PIGG: variants seen among roughly 807,000 people sequenced by gnomAD.
PIGG encodes the protein phosphatidylinositol glycan anchor biosynthesis class G (EMM blood group).
Under a neutral mutation model 83.2 loss-of-function variants are expected in PIGG, and 70 were observed. That is an observed-to-expected ratio of 0.84 (90% CI 0.69 to 1.03). PIGG has a LOEUF of 1.03. Among genes scored for constraint, PIGG ranks in the 50% least tolerant of loss-of-function variants. PIGG has a pLI of 0.00. For missense variants in PIGG, 1,257 were observed against 1,233.6 expected, an observed-to-expected ratio of 1.02 and a Z score of -0.28; for synonymous variants, 532 against 519.5, an observed-to-expected ratio of 1.02 and a Z score of -0.33.
In PIGG at chr4:521,877, C is replaced by CGCT. The variant is rs1726021885; in HGVS notation, c.1555_1557dup (p.Leu519dup). Reference sequence around the variant, plus strand: ...GGTGGGGTGATGGTGCTGGCCTCGGCGCTGCTGTGTGTGATTGTGTCTGTT... The same window carrying CGCT: ...GGTGGGGTGATGGTGCTGGCCTCGGCGCTGCTGCTGTGTGTGATTGTGTCTGTT... On this transcript the variant is annotated inframe_insertion, in exon 8 of 13. Coordinates refer to ENST00000453061, the MANE Select transcript of PIGG (RefSeq NM_001127178.3). 6.2e-7 allele frequency: 1 copy of CGCT among 1,614,154 alleles called. No individual in the cohort carries two copies. Among genetic ancestry groups the CGCT allele is most frequent in the African/African-American group, 1.3e-5 (1 of 75,034 alleles).
chr4:532,346 A>C (rs752294975), intron 11 of PIGG: 3 of 152,316 alleles, frequency 2.0e-5, no homozygotes, highest in Non-Finnish European at 2.9e-5. Flanking sequence ...TCAGAGCCAC[A>C]GTGACCTCCT....
At chr4:499,700 C>T in intron 1 of PIGG, 4 of 1,396,028 alleles carry the variant, frequency 2.9e-6, no homozygotes, top group Non-Finnish European at 3.7e-6. Context: ...GGCCCCACTT[C>T]GACCTTCCTT....
In PIGG at chr4:499,299, G is replaced by C. The variant is rs1553873861; in HGVS notation, c.-37G>C. On this transcript the variant is annotated 5_prime_UTR_variant, in exon 1 of 13. Transcript: ENST00000453061. ...CGGCTGCAGCAGGGCGAGGCTCCAG[G>C]TGGGGTCGGTTCCGCATCCAGCCTA... 2 of 1,597,092 alleles carry C rather than the reference G, an allele frequency of 1.3e-6. No homozygotes were observed. The highest frequency in any genetic ancestry group is 8.5e-7 in the Non-Finnish European group (1 of 1,177,278).
rs151332706 is a variant in PIGG at position 525,269 on chromosome 4, C to A, written c.2069+1356C>A. The A allele has an allele frequency of 1.6e-5, 16 of 984,996 alleles. No homozygotes were observed. In the South Asian group the frequency reaches 6.6e-4, roughly 41 times the overall value. 61.0% of individuals were successfully genotyped at this position (984,996 alleles called of 1,614,324 possible). On this transcript the variant is annotated intron_variant, in intron 9 of 12. Coordinates refer to ENST00000453061, the MANE Select transcript of PIGG (RefSeq NM_001127178.3). ...ATAGCAAATCATTTCAAGCAAGGCT[C>A]GAAATAAGTAGAAGAAACCAGGACA... is the stretch of plus-strand genomic sequence containing the variant.
At chr4:509,234 C>T (rs1170761838) in intron 5 of PIGG, among the ~76,000 whole-genome samples, 2 of 152,160 alleles carry the variant, frequency 1.3e-5, no homozygotes, top group African/African-American at 4.8e-5. Context: ...AGAAAAATTG[C>T]CAGTAGCTCA....
chr4:537,766 A>T (rs1390186579), intron 12 of PIGG, among the ~76,000 whole-genome samples: 1 of 151,992 alleles, frequency 6.6e-6, no homozygotes, highest in African/African-American at 2.4e-5. Flanking sequence ...AGCCAAGAGG[A>T]GGATGGGCCC....
rs1577128710 is a variant in PIGG, at chr4:528,779, T to C, written c.2261+1549T>C. 2.1e-6 allele frequency: 2 copies of C among 957,102 alleles called. No individual in the cohort carries two copies. The highest frequency in any genetic ancestry group is 9.7e-5 in the South Asian group (2 of 20,700). The allele number at this position is 957,102 out of a possible 1,614,324, so 59.3% of individuals were successfully genotyped here. On this transcript the variant is annotated intron_variant, in intron 10 of 12. Transcript: ENST00000453061. The surrounding 1 kb of genome is among the most constrained non-coding windows in gnomAD (Gnocchi z 4.8). ...AAGACCTTGGCCCTCTTCCCTTTCCTGGCCTGCTTCCTGCAGCATGTAATT... is the reference window on the plus strand; with the variant it reads ...AAGACCTTGGCCCTCTTCCCTTTCCCGGCCTGCTTCCTGCAGCATGTAATT...
At chr4:513,485 T>C (rs1442213437) in intron 5 of PIGG, among the ~76,000 whole-genome samples, 2 of 151,814 alleles carry the variant, frequency 1.3e-5, no homozygotes, top group Non-Finnish European at 2.9e-5. Context: ...AGTCAAGGGG[T>C]GTGGGAAGGA....
chr4:535,419 C>CCA (rs1354224844), intron 12 of PIGG, among the ~76,000 whole-genome samples: 1 of 152,248 alleles, frequency 6.6e-6, no homozygotes, highest in East Asian at 1.9e-4. Context: ...TGTGCTGAAA[C>CCA]CGCGCACCGC....
At chr4:537,573 C>A (rs1047142231) in intron 12 of PIGG, among the ~76,000 whole-genome samples, 1 of 152,160 alleles carries the variant, frequency 6.6e-6, no homozygotes, top group Non-Finnish European at 1.5e-5. Flanking sequence ...GGGTCCCCGG[C>A]CTGTGGGGCT....
chr4:516,276 G>A (rs1723828418), intron 6 of PIGG, 91 bp downstream of exon 6: 1 of 812,590 alleles, frequency 1.2e-6, no homozygotes, highest in South Asian at 1.5e-5. Flanking sequence ...TATGCAGTTT[G>A]TCACAGGAGT....
In PIGG at chr4:539,138, C is replaced by A; in HGVS notation, c.2736-15C>A. On this transcript the variant is annotated splice_polypyrimidine_tract_variant and intron_variant, in intron 12 of 12. Transcript: ENST00000453061. ...AGTGGCATGTGCTAATACACATTTT[C>A]TTTCTTATTAACAGTGGTTCAGCAC... 1 of 1,554,822 alleles carries A rather than the reference C, an allele frequency of 6.4e-7. No individual in the cohort carries two copies. Among genetic ancestry groups the A allele is most frequent in the African/African-American group, 1.4e-5 (1 of 73,676 alleles).
chr4:514,206 T>C (rs534296719), intron 5 of PIGG, among the ~76,000 whole-genome samples: 21 of 152,302 alleles, frequency 1.4e-4, no homozygotes, highest in African/African-American at 5.1e-4. Context: ...TCCCTTCTCC[T>C]TTATTATTTG....
chr4:513,661 C>T (rs927027370), intron 5 of PIGG, among the ~76,000 whole-genome samples: 1 of 152,108 alleles, frequency 6.6e-6, no homozygotes, highest in Non-Finnish European at 1.5e-5. Flanking sequence ...ACTCAGCAGG[C>T]GAGCCAGTGG....
chr4:503,409 C>T (rs187130311), intron 2 of PIGG, among the ~76,000 whole-genome samples: 11 of 152,318 alleles, frequency 7.2e-5, no homozygotes, highest in Admixed American at 5.9e-4. Context: ...GCCTCACTCC[C>T]GTTTACCTCT....
rs144042181 is a variant in PIGG at position 519,351 on chromosome 4, A to G, written c.1115-1705A>G. Among the ~76,000 whole-genome samples, 1,194 of 152,150 alleles carry G rather than the reference A, an allele frequency of 7.8e-3. 7 individuals are homozygous for G. The highest frequency in any genetic ancestry group is 0.013 in the Non-Finnish European group (866 of 68,008). On this transcript the variant is annotated intron_variant, in intron 6 of 12. Transcript: ENST00000453061. ...GGCACGTCGTCCACGCTCCATGGAT[A>G]TTTGTTTCGATGCATGCACAGGTGC... is the stretch of plus-strand genomic sequence containing the variant.
At chr4:533,494 G>C (rs2109031011) in intron 11 of PIGG, 1 of 332,212 alleles carries the variant, frequency 3.0e-6, no homozygotes, top group East Asian at 6.1e-5. Flanking sequence ...GTCTGGACAA[G>C]GGTCTTAGAT....
chr4:520,064 A>T (rs932935058), intron 6 of PIGG, among the ~76,000 whole-genome samples: 3 of 152,134 alleles, frequency 2.0e-5, no homozygotes, highest in African/African-American at 7.2e-5. Context: ...ATGCTCAGGG[A>T]CTTGTGCCAC....
chr4:517,902 C>T (rs926196407), intron 6 of PIGG, among the ~76,000 whole-genome samples: 14 of 152,174 alleles, frequency 9.2e-5, no homozygotes, highest in African/African-American at 2.9e-4. Context: ...TTTGAGAGCC[C>T]GGAGGAAGTC....
Sources: gnomAD v4.1 joint callset for allele counts (sites outside exome capture counted in the v4.1 genomes callset) on GRCh38, gnomAD v4.1.1 for gene constraint, Gnocchi (gnomAD v3.1) non-coding constraint, MANE v1.5 for transcripts, NCBI Gene and HGNC (gene_info 2026-07-23, HGNC 2026-07-21) for gene names.